ADARB2: variants seen among roughly 807,000 people sequenced by gnomAD.
The protein encoded by ADARB2 is adenosine deaminase RNA specific B2 (inactive).
A neutral mutation model predicts 62.2 loss-of-function variants in ADARB2; 25 were observed. The observed-to-expected ratio is 0.40, with a 90% CI of 0.29 to 0.56. The LOEUF (loss-of-function observed/expected upper bound fraction) is 0.56. Among genes scored for constraint, ADARB2 ranks in the 20% least tolerant of loss-of-function variants. ADARB2 has a pLI of 0.43. For synonymous variants in ADARB2, 572 were observed against 500.8 expected (o/e 1.14, Z -1.90); for missense variants, 1,071 against 1,077.4 (o/e 0.99, Z 0.08).
chr10:1,564,007 C>CAA (rs1268214551), intron 1 of ADARB2, among the ~76,000 whole-genome samples: 2 of 150,576 alleles, frequency 1.3e-5, no homozygotes, highest in East Asian at 3.9e-4. Context: ...ATATGTGCCA[C>CAA]ATTTTCTTAA....
At chr10:1,379,941 C>T (rs1832467359) in intron 1 of ADARB2, among the ~76,000 whole-genome samples, 1 of 152,186 alleles carries the variant, frequency 6.6e-6, no homozygotes, top group African/African-American at 2.4e-5. Flanking sequence ...TTTATTTCAT[C>T]AATAGCGAGA....
At chr10:1,347,599 G>A (rs1431731580) in intron 3 of ADARB2, among the ~76,000 whole-genome samples, 1 of 152,152 alleles carries the variant, frequency 6.6e-6, no homozygotes, top group African/African-American at 2.4e-5. Flanking sequence ...CACAGATCAG[G>A]AGCCAGGAGG....
At chr10:1,616,534 G>A (rs1258298094) in intron 1 of ADARB2, among the ~76,000 whole-genome samples, 2 of 135,738 alleles carry the variant, frequency 1.5e-5, no homozygotes, top group Non-Finnish European at 3.1e-5. Context: ...GCATTCTGTC[G>A]CTAGATGTTT....
intron 1 of ADARB2, among the ~76,000 whole-genome samples, chr10:1,464,640 A>G (rs74787035): frequency 0.043 from 846 of 19,684 alleles, 37 homozygotes; most frequent in East Asian, 0.11. Context: ...AGCGGGCAGC[A>G]CGCTGGAGAA....
chr10:1,379,655 G>GT (rs1351349475), intron 1 of ADARB2, among the ~76,000 whole-genome samples: 1 of 152,246 alleles, frequency 6.6e-6, no homozygotes, highest in African/African-American at 2.4e-5. Flanking sequence ...CTTAGCGGGT[G>GT]TTTGGCAGAA....
At chr10:1,511,543 C>T (rs1052601055) in intron 1 of ADARB2, among the ~76,000 whole-genome samples, 47 of 151,986 alleles carry the variant, frequency 3.1e-4, no homozygotes, top group African/African-American at 1.1e-3. Context: ...TCTGTGAGCC[C>T]GGTCTGAAAG....
chr10:1,650,314 G>C lies in ADARB2; in HGVS notation c.100+86737C>G, dbSNP rs184017285. On this transcript the variant is annotated intron_variant, in intron 1 of 9. Coordinates refer to ENST00000381312, the MANE Select transcript of ADARB2 (RefSeq NM_018702.4). ...CACTTAAAGGAGAGGAAAATTCTGG[G>C]TTTGCAAGGGGAGCCTCCTGGTGTT... Among the ~76,000 whole-genome samples, 3 of 152,318 alleles carry C rather than the reference G, an allele frequency of 2.0e-5. No individual in the cohort carries two copies. In the East Asian group the frequency reaches 5.8e-4, roughly 29 times the overall value.
chr10:1,235,115 T>A (rs545740873), intron 5 of ADARB2, among the ~76,000 whole-genome samples: 57 of 151,808 alleles, frequency 3.8e-4, no homozygotes, highest in African/African-American at 1.1e-3. Context: ...TCTACACACC[T>A]GTGATTCTGT....
rs370313686 is a variant in ADARB2, at chr10:1,233,862, G to T, written c.1362-17C>A. 170 of 1,608,402 alleles carry T rather than the reference G, an allele frequency of 1.1e-4. 1 individual carries two copies. The African/African-American group carries it at 2.0e-3, about 19-fold the overall frequency. ...CGCCGCTTGCTAGGGTCACAAAGAG[G>T]TTTGGGGTCATTTATCACAAACCAA... On this transcript the variant is annotated splice_polypyrimidine_tract_variant and intron_variant, in intron 5 of 9. Coordinates refer to ENST00000381312, the MANE Select transcript of ADARB2 (RefSeq NM_018702.4).
chr10:1,590,141 T>C (rs367738271), intron 1 of ADARB2, among the ~76,000 whole-genome samples: 59 of 152,302 alleles, frequency 3.9e-4, no homozygotes, highest in African/African-American at 1.4e-3. Flanking sequence ...TGGGTGCCCA[T>C]GTGGTATCAT....
At chr10:1,452,468 A>T (rs1483665924) in intron 1 of ADARB2, among the ~76,000 whole-genome samples, 7 of 152,348 alleles carry the variant, frequency 4.6e-5, no homozygotes, top group African/African-American at 1.7e-4. Flanking sequence ...GCAGCCATAA[A>T]AAAGGTTGAG....
At chr10:1,194,281 C>T (rs909239745) in intron 8 of ADARB2, among the ~76,000 whole-genome samples, 5 of 152,182 alleles carry the variant, frequency 3.3e-5, no homozygotes, top group African/African-American at 1.2e-4. Context: ...GTCCAATCTG[C>T]TGAAGGCCTG....
chr10:1,327,449 G>T (rs368457734), intron 3 of ADARB2, among the ~76,000 whole-genome samples: 396 of 20,488 alleles, frequency 0.019, 59 homozygotes, highest in African/African-American at 0.13. Context: ...GCCTCCCCAC[G>T]GCCCAGCGCC....
Position 1,357,478 on chromosome 10 carries a change from A to G in ADARB2, c.1077+5550T>C, listed in dbSNP as rs1335926475. ...ACTTTTCAGTTGCAAGGAGGGATGC[A>G]TGGTTTTTTTAGCAAATAAAATATA... On this transcript the variant is annotated intron_variant, in intron 3 of 9. Transcript: ENST00000381312. Among the ~76,000 whole-genome samples the G allele has an allele frequency of 5.4e-5, 7 of 129,626 alleles. No homozygotes were observed. In the East Asian group the frequency reaches 1.0e-3, roughly 19 times the overall value. 85.0% of individuals were successfully genotyped at this position (129,626 alleles called of 152,430 possible).
At chr10:1,249,794 A>T (rs1831020498) in intron 4 of ADARB2, among the ~76,000 whole-genome samples, 1 of 152,062 alleles carries the variant, frequency 6.6e-6, no homozygotes. Context: ...CTGTCTGAAC[A>T]TGTTATGATT....
At chr10:1,266,223 G>A (rs1283717683) in intron 4 of ADARB2, among the ~76,000 whole-genome samples, 1 of 152,240 alleles carries the variant, frequency 6.6e-6, no homozygotes, top group Non-Finnish European at 1.5e-5. Context: ...AAGCTTCCCA[G>A]TGGAAGAGAG....
chr10:1,315,825 G>A (rs987280450), intron 3 of ADARB2, among the ~76,000 whole-genome samples: 1 of 152,156 alleles, frequency 6.6e-6, no homozygotes, highest in Non-Finnish European at 1.5e-5. Context: ...AAATGTTTTA[G>A]ACTACACTTG....
intron 1 of ADARB2, 31 bp downstream of exon 1, chr10:1,737,020 G>T (rs1376153774): frequency 6.2e-6 from 10 of 1,604,752 alleles, no homozygotes; most frequent in African/African-American, 4.0e-5. Flanking sequence ...GGTGAAGGGG[G>T]GCAGGGGCCG....
chr10:1,544,956 T>TATACACACACACACACACAC (rs10526252), intron 1 of ADARB2, among the ~76,000 whole-genome samples: 13,429 of 133,730 alleles, frequency 0.1, 950 homozygotes, highest in Admixed American at 0.15. Flanking sequence ...TAGCAAAGTA[T>TATACACACACACACACACAC]ACACACACAC....
Sources: gnomAD v4.1 joint callset for allele counts (sites outside exome capture counted in the v4.1 genomes callset) on GRCh38, gnomAD v4.1.1 for gene constraint, MANE v1.5 for transcripts, NCBI Gene and HGNC (gene_info 2026-07-23, HGNC 2026-07-21) for gene names.